Variants in ESM1 observed in about 807,000 individuals in gnomAD.
ESM1 encodes endothelial cell specific molecule 1, also known as endothelial cell-specific molecule 1.
In ESM1, 7 loss-of-function variants were observed where a neutral mutation model predicts 14.9. The ratio of observed to expected loss-of-function variants is 0.47; its 90% CI spans 0.27 to 0.88. The LOEUF (loss-of-function observed/expected upper bound fraction) is 0.88. ESM1 is among the 40% of genes least tolerant of loss of function. The pLI is 0.14. For missense variants in ESM1, 192 were observed against 237.9 expected (o/e 0.81, Z 1.27); for synonymous variants, 89 against 89.4 (o/e 1.00, Z 0.02).
rs1359818327 is a variant in ESM1 at position 54,978,234 on chromosome 5, T to A, written c.*1098A>T. The A allele has an allele frequency of 6.6e-6, 1 of 152,174 alleles. No homozygotes were observed. Among genetic ancestry groups the A allele is most frequent in the East Asian group, 1.9e-4 (1 of 5,200 alleles). 9.4% of individuals were successfully genotyped at this position (152,174 alleles called of 1,614,324 possible). On this transcript the variant is annotated 3_prime_UTR_variant, in exon 3 of 3. Transcript: ENST00000381405. ...ATTGATTCTTCTTTTACAAACCTCC[T>A]AAAAACTTATTTTCTACCTTAAATT...
intron 1 of ESM1, among the ~76,000 whole-genome samples, chr5:54,983,428 A>T (rs1352820202): frequency 6.6e-6 from 1 of 152,212 alleles, no homozygotes; most frequent in East Asian, 1.9e-4. Context: ...AGTGTTCATT[A>T]AATATGTGTT....
intron 2 of ESM1, among the ~76,000 whole-genome samples, chr5:54,981,085 T>C (rs1409019413): frequency 1.3e-5 from 2 of 152,234 alleles, no homozygotes; most frequent in African/African-American, 4.8e-5. Flanking sequence ...TACTTTGATA[T>C]ATATCTCCAC....
At position 54,978,225 on chromosome 5, in the gene ESM1, C is replaced by T. The variant is rs1225680699; in HGVS notation, c.*1107G>A. 3.3e-5 allele frequency: 5 copies of T among 152,108 alleles called. No individual in the cohort carries two copies. Among genetic ancestry groups the T allele is most frequent in the Non-Finnish European group, 7.4e-5 (5 of 68,016 alleles). 9.4% of individuals were successfully genotyped at this position (152,108 alleles called of 1,614,324 possible). A position where few individuals can be genotyped will look rare whatever the true frequency, so the allele number is the denominator to read the frequency against. On this transcript the variant is annotated 3_prime_UTR_variant, in exon 3 of 3. Coordinates refer to ENST00000381405, the MANE Select transcript of ESM1 (RefSeq NM_007036.5). ...CTGCTGAAAATTGATTCTTCTTTTA[C>T]AAACCTCCTAAAAACTTATTTTCTA...
At chr5:54,981,377 T>G (rs1437793533) in intron 2 of ESM1, among the ~76,000 whole-genome samples, 3 of 152,168 alleles carry the variant, frequency 2.0e-5, no homozygotes, top group Admixed American at 6.5e-5. Context: ...ATTCCTCACA[T>G]TCTAACACCT....
intron 2 of ESM1, among the ~76,000 whole-genome samples, chr5:54,980,138 C>A (rs950908633): frequency 1.3e-5 from 2 of 152,156 alleles, no homozygotes; most frequent in African/African-American, 4.8e-5. Flanking sequence ...TCCCCCAAGA[C>A]CCTCGTACAC....
chr5:54,981,816 G>T (rs1243233295), intron 2 of ESM1, among the ~76,000 whole-genome samples, 181 bp downstream of exon 2: 1 of 151,972 alleles, frequency 6.6e-6, no homozygotes, highest in Non-Finnish European at 1.5e-5. Flanking sequence ...ATTATTGATG[G>T]GCTCTTTTTA....
intron 1 of ESM1, among the ~76,000 whole-genome samples, chr5:54,983,505 C>T (rs568062835): frequency 4.6e-5 from 7 of 152,282 alleles, no homozygotes; most frequent in East Asian, 1.9e-4. Flanking sequence ...CATTTGGATA[C>T]GCAGCTGAAG....
At position 54,979,360 on chromosome 5, in the gene ESM1, A is replaced by T; in HGVS notation, c.527T>A (p.Val176Glu). The T allele has an allele frequency of 1.2e-6, 2 of 1,613,734 alleles. No individual in the cohort carries two copies. Among genetic ancestry groups the T allele is most frequent in the Non-Finnish European group, 1.7e-6 (2 of 1,179,688 alleles). The change falls in exon 3 of 3, where the codon GTA becomes GAA. Residue 176 changes from valine (V) to glutamate (E), a missense_variant. Val to Glu is a moderately radical substitution (Grantham distance 121). Transcript: ENST00000381405. ...GCGTGGATTTAACCATTTCCTCATT[A>T]CGGGAGACCCGGCAGCATTCTCTTT... ...VVKENAAGSPVMRKWLNPR is the reference protein window; with the variant it reads ...VVKENAAGSPEMRKWLNPR
Position 54,985,444 on chromosome 5 carries a change from G to T in ESM1, c.74C>A (p.Ala25Glu). 1.9e-6 allele frequency: 3 copies of T among 1,613,108 alleles called. No homozygotes were observed. Among genetic ancestry groups the T allele is most frequent in the South Asian group, 1.1e-5 (1 of 91,052 alleles). Residue 25 changes from alanine (A) to glutamate (E), a missense_variant, in exon 1 of 3, where the codon GCG (alanine) becomes GAG (glutamate). Physicochemically the swap from Ala to Glu is moderately radical, Grantham distance 107 (BLOSUM62 -1). Transcript: ENST00000381405. ...GTCACAGTGTTGAGGGCAGTCCACC[G>T]CATAATTATTGCTCCAGGCGGCCAC... The part of the protein sequence containing the change: ...HLVAAWSNNY[A>E]VDCPQHCDSS...
At chr5:54,983,030 G>T (rs184038398) in intron 1 of ESM1, among the ~76,000 whole-genome samples, 1 of 152,284 alleles carries the variant, frequency 6.6e-6, no homozygotes, top group East Asian at 1.9e-4. Flanking sequence ...AATAGATATA[G>T]AATATTCTCT....
intron 1 of ESM1, among the ~76,000 whole-genome samples, chr5:54,984,742 G>A (rs1037501437): frequency 1.3e-5 from 2 of 152,178 alleles, no homozygotes; most frequent in Non-Finnish European, 2.9e-5. Flanking sequence ...GTGTTTATCA[G>A]AAATATTTGA....
intron 1 of ESM1, among the ~76,000 whole-genome samples, chr5:54,984,089 G>GT (rs575321638): frequency 6.6e-6 from 1 of 151,864 alleles, no homozygotes; most frequent in South Asian, 2.1e-4. Context: ...TTAAGAATTT[G>GT]TTTTTTTAAT....
intron 2 of ESM1, among the ~76,000 whole-genome samples, chr5:54,980,732 A>G (rs1744036690): frequency 6.6e-6 from 1 of 152,222 alleles, no homozygotes; most frequent in South Asian, 2.1e-4. Flanking sequence ...TATGGGCATC[A>G]CCATACTTAA....
At chr5:54,980,990 G>C (rs1374577522) in intron 2 of ESM1, among the ~76,000 whole-genome samples, 1 of 151,910 alleles carries the variant, frequency 6.6e-6, no homozygotes, top group African/African-American at 2.4e-5. Context: ...TATATGTTGG[G>C]CTTATTATTT....
Position 54,985,464 on chromosome 5 carries a change from G to A in ESM1, c.54C>T (p.Ala18=), listed in dbSNP as rs1740516751. ...CCACCGCATAATTATTGCTCCAGGC[G>A]GCCACCAGGTGTGCAGGCACGAGGA... ...TTLLVPAHLV[A]AWSNNYAVDC... is the part of the protein sequence containing the mutation. Residue 18 remains alanine (A), a synonymous_variant, in exon 1 of 3, where the codon GCC becomes GCT. Coordinates refer to ENST00000381405, the MANE Select transcript of ESM1 (RefSeq NM_007036.5). 1 of 1,611,892 alleles carries A rather than the reference G, an allele frequency of 6.2e-7. No individual in the cohort carries two copies. Among genetic ancestry groups the A allele is most frequent in the Non-Finnish European group, 8.5e-7 (1 of 1,178,398 alleles).
Position 54,978,196 on chromosome 5 carries a change from T to C in ESM1, c.*1136A>G, listed in dbSNP as rs538390944. On this transcript the variant is annotated 3_prime_UTR_variant, in exon 3 of 3. Coordinates refer to ENST00000381405, the MANE Select transcript of ESM1 (RefSeq NM_007036.5). ...TAAACTATATTTTAAAGTTGACATG[T>C]TTTCTGCTGAAAATTGATTCTTCTT... The C allele has an allele frequency of 6.6e-6, 1 of 152,292 alleles. No individual in the cohort carries two copies. The highest frequency in any genetic ancestry group is 2.4e-5 in the African/African-American group (1 of 41,582). 9.4% of individuals were successfully genotyped at this position (152,292 alleles called of 1,614,324 possible). A position where few individuals can be genotyped will look rare whatever the true frequency, so the allele number is the denominator to read the frequency against.
At chr5:54,980,839 C>T (rs971686506) in intron 2 of ESM1, among the ~76,000 whole-genome samples, 2 of 152,100 alleles carry the variant, frequency 1.3e-5, no homozygotes, top group African/African-American at 4.8e-5. Flanking sequence ...AAAACAAGCA[C>T]CTTTGCCAAA....
rs1050134042 is a variant in ESM1, at chr5:54,979,154, C to T, written c.*178G>A. On this transcript the variant is annotated 3_prime_UTR_variant, in exon 3 of 3. Transcript: ENST00000381405. ...TAACAAACACATACAAGTGTTCAGTCATATGGATGTTATGGATTGTAAGTA... is the reference window on the plus strand; with the variant it reads ...TAACAAACACATACAAGTGTTCAGTTATATGGATGTTATGGATTGTAAGTA... The T allele has an allele frequency of 1.7e-6, 1 of 583,608 alleles. No homozygotes were observed. The highest frequency in any genetic ancestry group is 3.1e-6 in the Non-Finnish European group (1 of 324,992). 36.2% of individuals were successfully genotyped at this position (583,608 alleles called of 1,614,324 possible). A position where few individuals can be genotyped will look rare whatever the true frequency, so the allele number is the denominator to read the frequency against.
rs150921847 is a variant in ESM1, at chr5:54,980,507, A to G, written c.452-1072T>C. ...TAGGCAGCCTCCCCAAGAGGTCCTT[A>G]GGGTTTTCTGCTCTCCATCCTGAAC... On this transcript the variant is annotated intron_variant, in intron 2 of 2. Coordinates refer to ENST00000381405, the MANE Select transcript of ESM1 (RefSeq NM_007036.5). Among the ~76,000 whole-genome samples, 462 of 152,294 alleles carry G rather than the reference A, an allele frequency of 3.0e-3. 2 individuals carry two copies. Among genetic ancestry groups the G allele is most frequent in the African/African-American group, 0.01 (426 of 41,574 alleles).
Sources: gnomAD v4.1 joint callset for allele counts (sites outside exome capture counted in the v4.1 genomes callset) on GRCh38, gnomAD v4.1.1 for gene constraint, MANE v1.5 for transcripts, NCBI Gene and HGNC (gene_info 2026-07-23, HGNC 2026-07-21) for gene names.